Variants in MACROD2 observed in about 807,000 individuals in gnomAD.
MACROD2 encodes mono-ADP ribosylhydrolase 2.
A neutral mutation model predicts 70.4 loss-of-function variants in MACROD2; 36 were observed. The ratio of observed to expected loss-of-function variants is 0.51; its 90% CI spans 0.39 to 0.68. The LOEUF (loss-of-function observed/expected upper bound fraction) is 0.68. Among genes scored for constraint, MACROD2 ranks in the 30% least tolerant of loss-of-function variants. The probability of loss-of-function intolerance (pLI) is 0.00; values close to 1 mark genes in which losing one functional copy is unlikely to be tolerated. For missense variants in MACROD2, 496 were observed against 538.4 expected, an observed-to-expected ratio of 0.92 and a Z score of 0.78; for synonymous variants, 172 against 178.8, an observed-to-expected ratio of 0.96 and a Z score of 0.30.
At chr20:15,432,066 C>G (rs1271755766) in intron 7 of MACROD2, among the ~76,000 whole-genome samples, 3 of 151,844 alleles carry the variant, frequency 2.0e-5, no homozygotes, top group African/African-American at 7.3e-5. Context: ...CTTTTTTATA[C>G]TTTTTTTCAG....
chr20:14,405,356 G>A (rs1281566223), intron 3 of MACROD2, among the ~76,000 whole-genome samples: 2 of 152,152 alleles, frequency 1.3e-5, no homozygotes, highest in Admixed American at 6.5e-5. Context: ...TTATGGAAGG[G>A]TTTGTTAATG....
intron 2 of MACROD2, among the ~76,000 whole-genome samples, chr20:14,060,610 G>C (rs549863393): frequency 6.6e-6 from 1 of 152,156 alleles, no homozygotes; most frequent in Admixed American, 6.5e-5. Context: ...TGGAGGATGG[G>C]GGAGATTCGT....
intron 5 of MACROD2, among the ~76,000 whole-genome samples, chr20:15,117,441 G>T (rs866563506): frequency 6.6e-5 from 10 of 152,276 alleles, no homozygotes; most frequent in South Asian, 2.1e-4. Context: ...TCCTTTACAA[G>T]ATTTCCCTCT....
intron 2 of MACROD2, among the ~76,000 whole-genome samples, chr20:14,023,875 C>A (rs2053121883): frequency 6.6e-6 from 1 of 152,106 alleles, no homozygotes; most frequent in African/African-American, 2.4e-5. Context: ...ATTGTCTTGG[C>A]TATGCGGGCT....
rs181352265 is a variant in MACROD2, at chr20:14,173,694, G to C, written c.271+87966G>C. Among the ~76,000 whole-genome samples, 80 of 152,192 alleles carry C rather than the reference G, an allele frequency of 5.3e-4. 1 individual carries two copies. The highest frequency in any genetic ancestry group is 2.1e-3 in the East Asian group (11 of 5,176). On this transcript the variant is annotated intron_variant, in intron 3 of 17. Coordinates refer to ENST00000684519, the MANE Select transcript of MACROD2 (RefSeq NM_001351661.2). ...TCTTTTGGGAGTGTTAAAGAACCTT[G>C]TTTTGTCATATTACCAGAATTGTTT... is the stretch of plus-strand genomic sequence containing the variant.
At chr20:14,142,151 C>A (rs1366782259) in intron 3 of MACROD2, among the ~76,000 whole-genome samples, 1 of 152,036 alleles carries the variant, frequency 6.6e-6, no homozygotes, top group Admixed American at 6.6e-5. Flanking sequence ...TTTTAGTTTC[C>A]CTTTTTTTCC....
intron 7 of MACROD2, among the ~76,000 whole-genome samples, chr20:15,498,082 G>A (rs2047320406): frequency 6.6e-6 from 1 of 152,192 alleles, no homozygotes; most frequent in South Asian, 2.1e-4. Flanking sequence ...GGTAGACATT[G>A]CAAAGGTTCA....
chr20:14,999,070 G>A (rs1568919038), intron 5 of MACROD2, among the ~76,000 whole-genome samples: 1 of 152,150 alleles, frequency 6.6e-6, no homozygotes, highest in Non-Finnish European at 1.5e-5. Context: ...GAGAAATAAA[G>A]ACTTTCCCAA....
At chr20:15,554,279 G>A (rs1464538751) in intron 8 of MACROD2, among the ~76,000 whole-genome samples, 2 of 152,130 alleles carry the variant, frequency 1.3e-5, no homozygotes, top group Admixed American at 1.3e-4. Context: ...TGAAGAGAGA[G>A]GAATTTGCTC....
intron 10 of MACROD2, among the ~76,000 whole-genome samples, chr20:15,921,312 C>T (rs1358741101): frequency 6.6e-6 from 1 of 152,226 alleles, no homozygotes; most frequent in African/African-American, 2.4e-5. Flanking sequence ...CCCAGTGAAA[C>T]ATTCCCTCTT....
chr20:15,493,352 C>A (rs2047255258), intron 7 of MACROD2, among the ~76,000 whole-genome samples: 1 of 152,106 alleles, frequency 6.6e-6, no homozygotes, highest in Non-Finnish European at 1.5e-5. Context: ...ACATTATGTT[C>A]AATTTTATTT....
At chr20:14,262,552 G>A (rs533387119) in intron 3 of MACROD2, among the ~76,000 whole-genome samples, 3 of 152,194 alleles carry the variant, frequency 2.0e-5, no homozygotes, top group African/African-American at 7.2e-5. Flanking sequence ...ACACAGATGT[G>A]ATAGTGGAAA....
At chr20:15,227,569 TAAA>T (rs2076917889) in intron 5 of MACROD2, among the ~76,000 whole-genome samples, 1 of 152,170 alleles carries the variant, frequency 6.6e-6, no homozygotes, top group African/African-American at 2.4e-5. Context: ...GGGAAGGGGC[TAAA>T]AAGCATAGAC....
At chr20:15,232,213 A>G (rs2076965353) in intron 6 of MACROD2, among the ~76,000 whole-genome samples, 1 of 152,002 alleles carries the variant, frequency 6.6e-6, no homozygotes, top group Admixed American at 6.6e-5. Flanking sequence ...GGAAATAGAA[A>G]ACTTTCAGAA....
intron 2 of MACROD2, among the ~76,000 whole-genome samples, chr20:14,071,396 G>C (rs919343300): frequency 6.6e-6 from 1 of 151,356 alleles, no homozygotes; most frequent in Admixed American, 6.6e-5. Flanking sequence ...CAGTTGCTGG[G>C]ACTACAGGCA....
chr20:15,653,070 A>G (rs461032), intron 8 of MACROD2, among the ~76,000 whole-genome samples: 3,615 of 152,250 alleles, frequency 0.024, 173 homozygotes, highest in East Asian at 0.2. Context: ...AAAGTAAAAC[A>G]AGTACAAATT....
intron 8 of MACROD2, among the ~76,000 whole-genome samples, chr20:15,578,614 A>G (rs1393961442): frequency 1.3e-5 from 2 of 152,282 alleles, no homozygotes; most frequent in Non-Finnish European, 2.9e-5. Flanking sequence ...AATGAATCTA[A>G]GCCATGAGAA....
At chr20:14,168,039 A>G (rs193134700) in intron 3 of MACROD2, among the ~76,000 whole-genome samples, 1 of 152,348 alleles carries the variant, frequency 6.6e-6, no homozygotes, top group East Asian at 1.9e-4. Flanking sequence ...ATCTATAAAA[A>G]TAATTCCAGG....
intron 8 of MACROD2, among the ~76,000 whole-genome samples, chr20:15,808,499 GTATT>G (rs1382937156): frequency 2.0e-5 from 3 of 151,830 alleles, no homozygotes. Flanking sequence ...GATTAAGAAG[GTATT>G]TATTTTCTTA....
Sources: allele counts gnomAD v4.1 joint callset (sites outside exome capture counted in the v4.1 genomes callset), GRCh38; gene constraint gnomAD v4.1.1; transcripts MANE v1.5; gene names NCBI Gene and HGNC (gene_info 2026-07-23, HGNC 2026-07-21).